FAM184B: variants seen among roughly 807,000 people sequenced by gnomAD.
The protein encoded by FAM184B is family with sequence similarity 184 member B.
In FAM184B, 111 loss-of-function variants were observed where a neutral mutation model predicts 135.9. The observed-to-expected ratio is 0.82, with a 90% CI of 0.70 to 0.96. FAM184B has a LOEUF of 0.96. FAM184B is among the 40% of genes least tolerant of loss of function. The probability of loss-of-function intolerance (pLI) is 0.00; values close to 1 mark genes in which losing one functional copy is unlikely to be tolerated. For missense variants in FAM184B, 1,375 were observed against 1,323.9 expected, an observed-to-expected ratio of 1.04 and a Z score of -0.60; for synonymous variants, 552 against 524.8, an observed-to-expected ratio of 1.05 and a Z score of -0.71.
At chr4:17,637,760 C>T (rs553668495) in intron 14 of FAM184B, among the ~76,000 whole-genome samples, 2 of 152,330 alleles carry the variant, frequency 1.3e-5, no homozygotes, top group East Asian at 3.9e-4. Context: ...CAAGTGGCTT[C>T]ACCTGTTTGG....
intron 1 of FAM184B, among the ~76,000 whole-genome samples, chr4:17,752,547 C>T (rs975094223): frequency 5.9e-5 from 9 of 152,112 alleles, no homozygotes; most frequent in East Asian, 1.9e-4. Context: ...AAGGAACCTC[C>T]GGAGATCTCA....
chr4:17,671,505 G>T (rs1313236712), intron 7 of FAM184B, among the ~76,000 whole-genome samples: 1 of 152,034 alleles, frequency 6.6e-6, no homozygotes, highest in Non-Finnish European at 1.5e-5. Flanking sequence ...CCATTACCTG[G>T]CCAGGCTCAT....
chr4:17,649,093 A>C (rs1216755831), intron 11 of FAM184B, among the ~76,000 whole-genome samples: 2 of 152,178 alleles, frequency 1.3e-5, no homozygotes, highest in Admixed American at 6.5e-5. Context: ...TCATTCCATA[A>C]GCACCTAGCA....
chr4:17,715,814 C>T (rs533311094), intron 1 of FAM184B, among the ~76,000 whole-genome samples: 36 of 152,166 alleles, frequency 2.4e-4, no homozygotes, highest in African/African-American at 8.7e-4. Context: ...TAATTTTTGG[C>T]TGCTTCATGT....
At chr4:17,633,508 G>A (rs1228616030) in intron 17 of FAM184B, 181 bp downstream of exon 17, 34 of 533,932 alleles carry the variant, frequency 6.4e-5, no homozygotes, top group Non-Finnish European at 1.1e-4. Context: ...AGGCCAGATG[G>A]AGTCCACCTT....
chr4:17,748,103 GAAAAAAAAAA>G (rs58795222), intron 1 of FAM184B, among the ~76,000 whole-genome samples: 1 of 70,346 alleles, frequency 1.4e-5, no homozygotes, highest in African/African-American at 6.0e-5. Flanking sequence ...GACTCCGTCT[GAAAAAAAAAA>G]AAAAAAAAAA....
chr4:17,652,246 T>C (rs1236279810), intron 11 of FAM184B, among the ~76,000 whole-genome samples: 2 of 146,858 alleles, frequency 1.4e-5, no homozygotes, highest in Admixed American at 1.4e-4. Context: ...TGCCTCAGCC[T>C]CCCGAATAGC....
intron 6 of FAM184B, among the ~76,000 whole-genome samples, chr4:17,690,453 G>C (rs1465999973): frequency 1.3e-5 from 2 of 152,192 alleles, no homozygotes; most frequent in Admixed American, 1.3e-4. Context: ...ATTTTAGGAA[G>C]GGAGGAGTGG....
intron 2 of FAM184B, 100 bp downstream of exon 2, chr4:17,708,792 A>G: frequency 7.6e-7 from 1 of 1,314,870 alleles, no homozygotes; most frequent in South Asian, 1.6e-5. Flanking sequence ...ACCTCCGTAG[A>G]AGGCAAGTGC....
rs937353265 is a variant in FAM184B, at chr4:17,781,095, G to C, written c.141+64C>G. On this transcript the variant is annotated intron_variant, in intron 1 of 17. Transcript: ENST00000265018. This position sits in a 1 kb window ranked among gnomAD's most constrained non-coding sequence, Gnocchi z 6.5. The stretch of plus-strand genomic sequence containing the variant: ...CCCGGGCCTCCCGGGAGGCGCATCC[G>C]CACTGACTCCCGGCTCGGGCGCCCC... 2 of 1,470,980 alleles carry C rather than the reference G, an allele frequency of 1.4e-6. No homozygotes were observed. Among genetic ancestry groups the C allele is most frequent in the African/African-American group, 2.9e-5 (2 of 68,736 alleles). The allele number at this position is 1,470,980 out of a possible 1,614,324, so 91.1% of individuals were successfully genotyped here.
At chr4:17,711,691 C>T (rs1465145952) in intron 1 of FAM184B, among the ~76,000 whole-genome samples, 1 of 151,756 alleles carries the variant, frequency 6.6e-6, no homozygotes, top group Non-Finnish European at 1.5e-5. Flanking sequence ...AGTTGAAGCC[C>T]CAGGAATAAC....
intron 1 of FAM184B, among the ~76,000 whole-genome samples, chr4:17,761,914 C>T (rs1004800155): frequency 6.6e-5 from 10 of 152,146 alleles, no homozygotes; most frequent in Non-Finnish European, 1.5e-4. Flanking sequence ...AAAGGCTCTC[C>T]TCCTTTGCTT....
chr4:17,728,852 C>T (rs574245786), intron 1 of FAM184B, among the ~76,000 whole-genome samples: 1 of 152,280 alleles, frequency 6.6e-6, no homozygotes, highest in South Asian at 2.1e-4. Flanking sequence ...TCTGCATTTC[C>T]ATCTGAGGTA....
At chr4:17,741,624 C>T (rs1013710946) in intron 1 of FAM184B, among the ~76,000 whole-genome samples, 6 of 152,136 alleles carry the variant, frequency 3.9e-5, no homozygotes, top group Admixed American at 1.3e-4. Flanking sequence ...ACCCAGGAGG[C>T]GGAAGTTGCA....
At chr4:17,663,615 A>AACACACACACACACACACACACAC (rs113627829) in intron 8 of FAM184B, among the ~76,000 whole-genome samples, 1 of 150,434 alleles carries the variant, frequency 6.6e-6, no homozygotes, top group African/African-American at 2.5e-5. Flanking sequence ...TCCCATTCAC[A>AACACACACACACACACACACACAC]ACACACACAC....
chr4:17,741,393 G>C (rs1404096136), intron 1 of FAM184B, among the ~76,000 whole-genome samples: 2 of 152,124 alleles, frequency 1.3e-5, no homozygotes, highest in African/African-American at 4.8e-5. Flanking sequence ...TCCTGCCCAG[G>C]GTTCAAGAGC....
intron 1 of FAM184B, among the ~76,000 whole-genome samples, chr4:17,711,628 A>C (rs1364844440): frequency 2.0e-5 from 3 of 152,148 alleles, no homozygotes; most frequent in Non-Finnish European, 4.4e-5. Flanking sequence ...CTGCCACTGC[A>C]CTCCAGCCTG....
intron 2 of FAM184B, among the ~76,000 whole-genome samples, chr4:17,708,516 G>A (rs1210104119): frequency 6.6e-6 from 1 of 151,108 alleles, no homozygotes. Context: ...ATGGTGGTGG[G>A]CACTTGTATT....
chr4:17,691,414 G>A (rs191130840), intron 6 of FAM184B, among the ~76,000 whole-genome samples: 71 of 152,270 alleles, frequency 4.7e-4, no homozygotes, highest in Middle Eastern at 6.8e-3. Flanking sequence ...GGCTGGGCAC[G>A]GTGGCTCACG....
Sources: gnomAD v4.1 joint callset for allele counts (sites outside exome capture counted in the v4.1 genomes callset) on GRCh38, gnomAD v4.1.1 for gene constraint, Gnocchi (gnomAD v3.1) non-coding constraint, MANE v1.5 for transcripts, NCBI Gene and HGNC (gene_info 2026-07-23, HGNC 2026-07-21) for gene names.